Variants in UBAC2 observed in about 807,000 individuals in gnomAD.
UBAC2 encodes ubiquitin-associated domain-containing protein 2.
UBAC2 carries 26 observed loss-of-function variants against 44.0 expected under a neutral mutation model. The ratio of observed to expected loss-of-function variants is 0.59; its 90% confidence interval spans 0.43 to 0.82. The LOEUF is 0.82. UBAC2 is among the 40% of genes least tolerant of loss of function. The probability of loss-of-function intolerance (pLI) is 0.00; values close to 1 mark genes in which losing one functional copy is unlikely to be tolerated. For synonymous variants in UBAC2, 155 were observed against 154.3 expected (o/e 1.00, Z -0.04); for missense variants, 329 against 419.4 (o/e 0.78, Z 1.88).
intron 4 of UBAC2, among the ~76,000 whole-genome samples, chr13:99,292,718 G>GTTTTT (rs34731765): frequency 6.8e-6 from 1 of 148,078 alleles, no homozygotes; most frequent in Admixed American, 6.7e-5. Context: ...AGCTTTGAGG[G>GTTTTT]TTTTTTTTTT....
Position 99,306,139 on chromosome 13 carries a change from G to A in UBAC2, c.390-7958G>A, listed in dbSNP as rs533835660. 3.7e-4 allele frequency among the ~76,000 whole-genome samples: 56 copies of A among 152,118 alleles called. 1 individual carries two copies. The South Asian group carries it at 0.011, about 29-fold the overall frequency. ...TCGAACTCCTGATCTCAGGTGATCC[G>A]CCTGCCTCGGCCTCCCAAAGTGCTG... On this transcript the variant is annotated intron_variant, in intron 4 of 8. Transcript: ENST00000403766.
intron 4 of UBAC2, among the ~76,000 whole-genome samples, chr13:99,288,397 A>G (rs2044047829): frequency 6.6e-6 from 1 of 152,222 alleles, no homozygotes; most frequent in Non-Finnish European, 1.5e-5. Flanking sequence ...GAGAAGCCAC[A>G]CAGTTAGCAT....
At chr13:99,329,755 G>C (rs562865325) in intron 6 of UBAC2, among the ~76,000 whole-genome samples, 1 of 152,208 alleles carries the variant, frequency 6.6e-6, no homozygotes, top group African/African-American at 2.4e-5. Context: ...GTGCCAGTCA[G>C]GTCTTGAGAT....
chr13:99,307,803 A>G (rs1482824405), intron 4 of UBAC2: 1 of 152,210 alleles, frequency 6.6e-6, no homozygotes, highest in Non-Finnish European at 1.5e-5. Flanking sequence ...GTCAACTTTG[A>G]CAGTGCTTTT....
intron 3 of UBAC2, among the ~76,000 whole-genome samples, chr13:99,244,164 T>C (rs1382270731): frequency 1.3e-5 from 2 of 152,204 alleles, no homozygotes; most frequent in Non-Finnish European, 2.9e-5. Flanking sequence ...TGATAATATG[T>C]AGTATTAGTT....
intron 4 of UBAC2, among the ~76,000 whole-genome samples, chr13:99,282,098 G>A (rs1178248391): frequency 6.6e-6 from 1 of 152,152 alleles, no homozygotes; most frequent in African/African-American, 2.4e-5. Flanking sequence ...GCGGTCCCGT[G>A]CACTGCAGGG....
chr13:99,283,542 C>T (rs890413610), intron 4 of UBAC2, among the ~76,000 whole-genome samples: 53 of 151,906 alleles, frequency 3.5e-4, no homozygotes, highest in African/African-American at 1.3e-3. Flanking sequence ...AAATGAATAG[C>T]CACAAGCAGA....
At chr13:99,320,077 A>G (rs1375208591) in intron 6 of UBAC2, among the ~76,000 whole-genome samples, 1 of 152,174 alleles carries the variant, frequency 6.6e-6, no homozygotes, top group Non-Finnish European at 1.5e-5. Context: ...CTTCCTTAGT[A>G]ACTCTTATGT....
intron 4 of UBAC2, chr13:99,313,157 T>C (rs113886917): frequency 0.021 from 3,132 of 152,264 alleles, 52 homozygotes; most frequent in Non-Finnish European, 0.029. Flanking sequence ...GCTAATTTTA[T>C]GTATTTTTAG....
At chr13:99,260,112 C>T (rs2043637880) in intron 4 of UBAC2, among the ~76,000 whole-genome samples, 1 of 152,214 alleles carries the variant, frequency 6.6e-6, no homozygotes, top group Admixed American at 6.5e-5. Flanking sequence ...GATGGCATGG[C>T]CTGCTGCTCT....
intron 4 of UBAC2, among the ~76,000 whole-genome samples, chr13:99,264,903 C>T (rs887410706): frequency 5.9e-5 from 9 of 151,764 alleles, no homozygotes; most frequent in Non-Finnish European, 1.3e-4. Flanking sequence ...TTTGGGCCTA[C>T]TCTAAATGCA....
Position 99,219,170 on chromosome 13 carries a change from ATG to A in UBAC2, c.31+18237_31+18238del, listed in dbSNP as rs1408430794. Among the ~76,000 whole-genome samples the A allele has an allele frequency of 2.6e-5, 4 of 152,046 alleles. No homozygotes were observed. In the East Asian group the frequency reaches 7.7e-4, roughly 29 times the overall value. On this transcript the variant is annotated intron_variant, in intron 1 of 8. Transcript: ENST00000403766. ...GGTGTGAACCATACAGGGCTTTTTG[ATG>A]TGTGTATTTTTACATGCGTGACTTG...
chr13:99,288,429 A>C (rs1370190931), intron 4 of UBAC2, among the ~76,000 whole-genome samples: 1 of 152,194 alleles, frequency 6.6e-6, no homozygotes, highest in Non-Finnish European at 1.5e-5. Flanking sequence ...ACAGCTTTAA[A>C]ATTTTTGAGG....
At chr13:99,218,145 A>G (rs151130815) in intron 1 of UBAC2, among the ~76,000 whole-genome samples, 1 of 152,314 alleles carries the variant, frequency 6.6e-6, no homozygotes, top group African/African-American at 2.4e-5. Context: ...TTATTATTTC[A>G]TTATAATTAC....
At chr13:99,369,980 C>T (rs939191224) in intron 8 of UBAC2, among the ~76,000 whole-genome samples, 4 of 152,124 alleles carry the variant, frequency 2.6e-5, no homozygotes. Context: ...ACTTGGGAGT[C>T]ATGCTGCCCA....
chr13:99,237,253 C>CAT (rs1566460789), intron 1 of UBAC2, among the ~76,000 whole-genome samples: 49 of 71,526 alleles, frequency 6.9e-4, no homozygotes, highest in African/African-American at 2.1e-3. Flanking sequence ...AAATTTTATG[C>CAT]GTATATATAT....
intron 2 of UBAC2, among the ~76,000 whole-genome samples, chr13:99,242,969 C>T (rs1166563907): frequency 1.3e-5 from 2 of 149,470 alleles, no homozygotes; most frequent in Middle Eastern, 3.5e-3. Flanking sequence ...CGGGAAGAGG[C>T]GCTCCTCACT....
intron 1 of UBAC2, among the ~76,000 whole-genome samples, chr13:99,229,116 A>G (rs1195587147): frequency 6.6e-6 from 1 of 152,180 alleles, no homozygotes; most frequent in Non-Finnish European, 1.5e-5. Context: ...AGCGAAGGGT[A>G]AGGCATGTGG....
At chr13:99,336,773 T>C (rs1391107113) in intron 6 of UBAC2, among the ~76,000 whole-genome samples, 1 of 152,218 alleles carries the variant, frequency 6.6e-6, no homozygotes, top group Admixed American at 6.5e-5. Flanking sequence ...TTCTTTGTCT[T>C]TTAACTCTTA....
Sources: allele counts gnomAD v4.1 joint callset (sites outside exome capture counted in the v4.1 genomes callset), GRCh38; gene constraint gnomAD v4.1.1; transcripts MANE v1.5; gene names NCBI Gene and HGNC (gene_info 2026-07-23, HGNC 2026-07-21).